Variants in CBL observed in about 807,000 individuals in gnomAD.
CBL encodes E3 ubiquitin-protein ligase CBL.
Under a neutral mutation model 96.9 loss-of-function variants are expected in CBL, and 45 were observed. That is an observed-to-expected ratio of 0.46 (90% CI 0.37 to 0.60). The LOEUF (loss-of-function observed/expected upper bound fraction) is 0.60. CBL is among the 20% of genes least tolerant of loss of function. The pLI, the probability that CBL is intolerant of heterozygous loss-of-function variation, is 0.00. For missense variants in CBL, 1,024 were observed against 1,143.5 expected, an observed-to-expected ratio of 0.90 and a Z score of 1.51; for synonymous variants, 420 against 426.8, an observed-to-expected ratio of 0.98 and a Z score of 0.20.
intron 2 of CBL, among the ~76,000 whole-genome samples, chr11:119,264,489 TTTC>T (rs1949785337): frequency 6.6e-6 from 1 of 151,506 alleles, no homozygotes; most frequent in Admixed American, 6.6e-5. Context: ...TTTCTTTTCT[TTTC>T]TTTTTTTGAG....
At position 119,300,456 on chromosome 11, in the gene CBL, C is replaced by G. The variant is rs1452860045; in HGVS notation, c.*675C>G. ...GTCATGGGCCATGGGCTTGCTATGG[C>G]CAGCCTTACTGAGGCCAAGCAGCTT... On this transcript the variant is annotated 3_prime_UTR_variant, in exon 16 of 16. Coordinates refer to ENST00000264033, the MANE Select transcript of CBL (RefSeq NM_005188.4). 2.5e-6 allele frequency: 1 copy of G among 402,022 alleles called. No homozygotes were observed. Among genetic ancestry groups the G allele is most frequent in the African/African-American group, 2.1e-5 (1 of 48,584 alleles). 24.9% of individuals were successfully genotyped at this position (402,022 alleles called of 1,614,324 possible). A position where few individuals can be genotyped will look rare whatever the true frequency, so the allele number is the denominator to read the frequency against.
chr11:119,282,338 CAAA>C (rs201788865), intron 9 of CBL, among the ~76,000 whole-genome samples: 8 of 80,484 alleles, frequency 9.9e-5, no homozygotes, highest in Admixed American at 1.4e-4. Context: ...GACTCCATCT[CAAA>C]AAAAAAAAAA....
At chr11:119,222,543 C>T (rs1447212200) in intron 1 of CBL, among the ~76,000 whole-genome samples, 1 of 152,028 alleles carries the variant, frequency 6.6e-6, no homozygotes, top group Non-Finnish European at 1.5e-5. Context: ...AATGTACAGG[C>T]AGAAGTAAAC....
intron 4 of CBL, 61 bp downstream of exon 4, chr11:119,274,085 T>G: frequency 3.2e-6 from 4 of 1,260,620 alleles, no homozygotes; most frequent in Non-Finnish European, 4.5e-6. Flanking sequence ...AGAAAGCTTT[T>G]TTTTTTTTTT....
intron 2 of CBL, among the ~76,000 whole-genome samples, chr11:119,263,969 C>A (rs535939557): frequency 5.9e-5 from 9 of 152,330 alleles, no homozygotes; most frequent in African/African-American, 2.2e-4. Flanking sequence ...TACCCTTCAG[C>A]AGTATAATTA....
chr11:119,250,574 G>T (rs1448133714), intron 2 of CBL, among the ~76,000 whole-genome samples: 3 of 152,198 alleles, frequency 2.0e-5, no homozygotes, highest in Admixed American at 1.3e-4. Context: ...TCTCCAGGCA[G>T]TAAGTTAGAT....
chr11:119,259,838 C>G (rs1023012814), intron 2 of CBL, among the ~76,000 whole-genome samples: 3 of 152,166 alleles, frequency 2.0e-5, no homozygotes, highest in Non-Finnish European at 4.4e-5. Flanking sequence ...ATACCTGTCA[C>G]ATGGATTTAT....
intron 1 of CBL, among the ~76,000 whole-genome samples, chr11:119,227,058 C>T (rs1002151863): frequency 2.0e-5 from 3 of 152,124 alleles, no homozygotes; most frequent in Admixed American, 6.5e-5. Context: ...TGGGATTTTT[C>T]GACTTTATGA....
rs139939244 is a variant in CBL at position 119,285,552 on chromosome 11, C to T, written c.1927C>T (p.Leu643=). 86 of 1,613,916 alleles carry T rather than the reference C, an allele frequency of 5.3e-5. No individual in the cohort carries two copies. Among genetic ancestry groups the T allele is most frequent in the Non-Finnish European group, 6.3e-5 (74 of 1,180,044 alleles). The change falls in exon 11 of 16, where the codon CTG becomes TTG. Residue 643 remains leucine, a synonymous_variant. Coordinates refer to ENST00000264033, the MANE Select transcript of CBL (RefSeq NM_005188.4). ...DVPRLGSTFS[L]DTSMSMNSSP... The stretch of plus-strand genomic sequence containing the variant: ...GCCTAGGCTCGGAAGCACGTTCAGT[C>T]TGGATACCTCCATGGTGAGTCTTAA...
chr11:119,221,528 G>T (rs974045328), intron 1 of CBL, among the ~76,000 whole-genome samples: 1 of 152,096 alleles, frequency 6.6e-6, no homozygotes, highest in African/African-American at 2.4e-5. Context: ...AGCACTTTGG[G>T]AGGCCAAGGT....
Position 119,232,511 on chromosome 11 carries a change from C to A in CBL, c.259C>A (p.Leu87Met). 3 of 1,613,826 alleles carry A rather than the reference C, an allele frequency of 1.9e-6. No individual in the cohort carries two copies. The highest frequency in any genetic ancestry group is 2.5e-6 in the Non-Finnish European group (3 of 1,179,724). ...GAATAGCCCACCTTATATCTTAGACCTGCTACCAGATACCTACCAGCATCT... is the reference window on the plus strand; with the variant it reads ...GAATAGCCCACCTTATATCTTAGACATGCTACCAGATACCTACCAGCATCT... ...LKNSPPYILD[L>M]LPDTYQHLRT... Residue 87 changes from leucine to methionine, a missense_variant, in exon 2 of 16, where the codon CTG (leucine) becomes ATG (methionine). Leu to Met is a conservative substitution (Grantham distance 15, BLOSUM62 2). Coordinates refer to ENST00000264033, the MANE Select transcript of CBL (RefSeq NM_005188.4).
chr11:119,235,912 G>A (rs1011579367), intron 2 of CBL, among the ~76,000 whole-genome samples: 1 of 152,130 alleles, frequency 6.6e-6, no homozygotes, highest in Non-Finnish European at 1.5e-5. Flanking sequence ...CAGATTTCAA[G>A]TGAGAATCAA....
intron 2 of CBL, among the ~76,000 whole-genome samples, chr11:119,237,704 G>A (rs1949555840): frequency 6.6e-6 from 1 of 152,114 alleles, no homozygotes; most frequent in South Asian, 2.1e-4. Context: ...AAGTGTAAGG[G>A]TTTATTTCTG....
At chr11:119,270,467 G>C (rs1383765130) in intron 2 of CBL, among the ~76,000 whole-genome samples, 1 of 48,780 alleles carries the variant, frequency 2.1e-5, no homozygotes, top group Non-Finnish European at 4.3e-5. Context: ...TTTTTTTTGA[G>C]ACGGAGTCTC....
In CBL at chr11:119,250,950, C is replaced by G. The variant is rs148156919; in HGVS notation, c.443+18255C>G. On this transcript the variant is annotated intron_variant, in intron 2 of 15. Coordinates refer to ENST00000264033, the MANE Select transcript of CBL (RefSeq NM_005188.4). The stretch of plus-strand genomic sequence containing the variant: ...TGGGTAACAGAGCAAGACTCTGTCT[C>G]AAAAATAAAAAAATATTTTAAATAT... Among the ~76,000 whole-genome samples the G allele has an allele frequency of 8.7e-3, 1,315 of 151,950 alleles. 5 individuals carry two copies. Among genetic ancestry groups the G allele is most frequent in the Non-Finnish European group, 0.016 (1,087 of 67,946 alleles).
intron 9 of CBL, 98 bp downstream of exon 9, chr11:119,278,811 A>G: frequency 2.3e-6 from 2 of 861,048 alleles, no homozygotes; most frequent in Non-Finnish European, 3.9e-6. Context: ...GATAGGTAGT[A>G]TTAATAGCTA....
At chr11:119,259,022 T>TA (rs371723542) in intron 2 of CBL, among the ~76,000 whole-genome samples, 25 of 152,292 alleles carry the variant, frequency 1.6e-4, no homozygotes, top group African/African-American at 6.0e-4. Flanking sequence ...CCTAGGTTTT[T>TA]ATGTGTTGTT....
chr11:119,259,960 T>C (rs1397297201), intron 2 of CBL, among the ~76,000 whole-genome samples: 1 of 152,204 alleles, frequency 6.6e-6, no homozygotes, highest in South Asian at 2.1e-4. Flanking sequence ...AGCTTGATTA[T>C]CTTGTACAAG....
At chr11:119,259,516 G>A (rs753335358) in intron 2 of CBL, among the ~76,000 whole-genome samples, 3 of 151,970 alleles carry the variant, frequency 2.0e-5, no homozygotes, top group Admixed American at 6.6e-5. Flanking sequence ...TGTGAATTTA[G>A]TAAACACAGT....
Sources: gnomAD v4.1 joint callset for allele counts (sites outside exome capture counted in the v4.1 genomes callset) on GRCh38, gnomAD v4.1.1 for gene constraint, MANE v1.5 for transcripts, NCBI Gene and HGNC (gene_info 2026-07-23, HGNC 2026-07-21) for gene names.